DET1: variants seen among roughly 807,000 people sequenced by gnomAD.
DET1 encodes the protein DET1 partner of COP1 E3 ubiquitin ligase, also known as DET1 homolog.
A neutral mutation model predicts 43.7 loss-of-function variants in DET1; 22 were observed. The ratio of observed to expected loss-of-function variants is 0.50; its 90% CI spans 0.36 to 0.72. The LOEUF (loss-of-function observed/expected upper bound fraction) is 0.72, where lower values mean the gene tolerates loss of function less well. Among genes scored for constraint, DET1 ranks in the 30% least tolerant of loss-of-function variants. DET1 has a pLI of 0.00. For missense variants in DET1, 713 were observed against 713.3 expected (o/e 1.00, Z 0.00); for synonymous variants, 315 against 266.2 (o/e 1.18, Z -1.79).
Position 88,517,017 on chromosome 15 carries a change from C to A in DET1, c.1272-44G>T, listed in dbSNP as rs758108209. On this transcript the variant is annotated intron_variant, in intron 3 of 4. Transcript: ENST00000268148. ...GAGGAAGGCTTTGTTAGTGAGTACACAAAGCTGTCTTGAATTTTAAATTGA... is the reference window on the plus strand; with the variant it reads ...GAGGAAGGCTTTGTTAGTGAGTACAAAAAGCTGTCTTGAATTTTAAATTGA... 2.1e-6 allele frequency: 3 copies of A among 1,417,076 alleles called. No homozygotes were observed. The Admixed American group carries it at 8.5e-5, about 40-fold the overall frequency. The allele number at this position is 1,417,076 out of a possible 1,614,324, so 87.8% of individuals were successfully genotyped here. A position where few individuals can be genotyped will look rare whatever the true frequency, so the allele number is the denominator to read the frequency against.
At chr15:88,536,770 C>CAAAAAAA (rs58177778) in intron 1 of DET1, among the ~76,000 whole-genome samples, 2,619 of 47,826 alleles carry the variant, frequency 0.055, 89 homozygotes, top group South Asian at 0.071. Context: ...GACTCCATCT[C>CAAAAAAA]AAAAAAAAAA....
At chr15:88,528,597 C>T (rs569732893) in intron 2 of DET1, among the ~76,000 whole-genome samples, 2 of 152,328 alleles carry the variant, frequency 1.3e-5, no homozygotes, top group Admixed American at 6.5e-5. Context: ...GTGGCTAGCC[C>T]TCTTCCTTTA....
chr15:88,502,202 G>A (rs1249827262), intron 8 of DET1: 1 of 152,062 alleles, frequency 6.6e-6, no homozygotes, highest in Admixed American at 6.5e-5. Flanking sequence ...TAAAGACTAG[G>A]GCAAATAACC....
At chr15:88,533,777 C>A (rs1030054545) in intron 1 of DET1, among the ~76,000 whole-genome samples, 1 of 138,370 alleles carries the variant, frequency 7.2e-6, no homozygotes, top group African/African-American at 2.7e-5. Context: ...ATCCCAGCTA[C>A]TTGGGAGGCT....
At chr15:88,523,269 C>T (rs75526700) in intron 3 of DET1, among the ~76,000 whole-genome samples, 5,338 of 152,250 alleles carry the variant, frequency 0.035, 148 homozygotes, top group South Asian at 0.066. Flanking sequence ...TCCTTGGTGA[C>T]CATTTTTATT....
At chr15:88,508,936 C>A (rs2142246678), downstream of DET1, among the ~76,000 whole-genome samples, 1 of 152,300 alleles carries the variant, frequency 6.6e-6, no homozygotes, top group South Asian at 2.1e-4. Flanking sequence ...ATTGCAGGAA[C>A]AAAGACCAGG....
downstream of DET1, among the ~76,000 whole-genome samples, chr15:88,509,956 G>A (rs2056179999): frequency 6.6e-6 from 1 of 152,232 alleles, no homozygotes; most frequent in Admixed American, 6.5e-5. Flanking sequence ...GCTGTGTGTG[G>A]CAGAACCACT....
rs755451343 is a variant in DET1, at chr15:88,531,437, C to T, written c.269G>A (p.Cys90Tyr). The change falls in exon 2 of 5, where the codon TGC (cysteine) becomes TAC (tyrosine). Residue 90 changes from cysteine to tyrosine, a missense_variant. Cys to Tyr is a radical substitution (Grantham distance 194). Coordinates refer to ENST00000268148, the MANE Select transcript of DET1 (RefSeq NM_001144074.3). The surrounding 1 kb of genome is among the most constrained non-coding windows in gnomAD (Gnocchi z 6.2). The part of the protein sequence containing the change: ...TSLEIYEYQG[C>Y]QAAEDLLQGY... Reference sequence around the variant, plus strand: ...CTGCAGTAGGTCCTCTGCTGCCTGGCAGCCCTGGTACTCATAGATTTCAAG... The same window carrying T: ...CTGCAGTAGGTCCTCTGCTGCCTGGTAGCCCTGGTACTCATAGATTTCAAG... 8 of 1,614,048 alleles carry T rather than the reference C, an allele frequency of 5.0e-6. No individual in the cohort carries two copies. The South Asian group carries it at 7.7e-5, about 16-fold the overall frequency.
At chr15:88,524,754 G>C (rs1354638053) in intron 3 of DET1, among the ~76,000 whole-genome samples, 2 of 152,102 alleles carry the variant, frequency 1.3e-5, no homozygotes, top group Non-Finnish European at 2.9e-5. Flanking sequence ...AAGGCAGCAT[G>C]CTCCTTAAGA....
chr15:88,522,488 C>G (rs909524177), intron 3 of DET1, among the ~76,000 whole-genome samples: 1 of 115,574 alleles, frequency 8.7e-6, no homozygotes, highest in Non-Finnish European at 1.8e-5. Context: ...CCAAAAGTTT[C>G]TCATTGTTCT....
At chr15:88,503,548 C>T (rs2056108797) in intron 8 of DET1, 2 of 152,164 alleles carry the variant, frequency 1.3e-5, no homozygotes, top group South Asian at 4.1e-4. Flanking sequence ...TTACTTTTAG[C>T]AAATTGCTTG....
intron 1 of DET1, among the ~76,000 whole-genome samples, chr15:88,538,443 T>C (rs1400632901): frequency 2.0e-5 from 3 of 151,214 alleles, no homozygotes; most frequent in Admixed American, 2.0e-4. Flanking sequence ...CCTTTTAACT[T>C]TTTGACTACC....
Position 88,527,705 on chromosome 15 carries a change from G to T in DET1, c.1165C>A (p.Leu389Ile), listed in dbSNP as rs755765129. The T allele has an allele frequency of 6.2e-7, 1 of 1,613,850 alleles. No homozygotes were observed. The highest frequency in any genetic ancestry group is 2.2e-5 in the East Asian group (1 of 44,888). ...AAAAGGTCACAGAAGTTCTCAAAGA[G>T]CTCCAAAAGCTCATCTGATGTATTC... ...FENTSDELLE[L>I]FENFCDLFRN... The change falls in exon 3 of 5, where the codon CTC becomes ATC. Residue 389 changes from leucine (L) to isoleucine (I), a missense_variant. Coordinates refer to ENST00000268148, the MANE Select transcript of DET1 (RefSeq NM_001144074.3).
chr15:88,520,421 A>G (rs1217959638), intron 3 of DET1, among the ~76,000 whole-genome samples: 1 of 152,218 alleles, frequency 6.6e-6, no homozygotes, highest in Non-Finnish European at 1.5e-5. Flanking sequence ...GCACATTGCT[A>G]ACTCCAATAA....
chr15:88,537,805 C>T (rs1356645264), intron 1 of DET1, among the ~76,000 whole-genome samples: 1 of 152,176 alleles, frequency 6.6e-6, no homozygotes, highest in African/African-American at 2.4e-5. Context: ...AATGCATTTC[C>T]CCTGCCCCTT....
chr15:88,512,058 G>A (rs1269397056), downstream of DET1, among the ~76,000 whole-genome samples: 1 of 152,260 alleles, frequency 6.6e-6, no homozygotes, highest in Non-Finnish European at 1.5e-5. Context: ...CGGGATGGCT[G>A]TGATGGCTCA....
chr15:88,543,184 C>T (rs1014391631), intron 1 of DET1, among the ~76,000 whole-genome samples: 4 of 152,176 alleles, frequency 2.6e-5, no homozygotes, highest in African/African-American at 9.7e-5. Context: ...TAAGGGGGTG[C>T]TTACTCAGAC....
downstream of DET1, chr15:88,511,402 T>C (rs1273060420): frequency 2.0e-6 from 2 of 985,324 alleles, no homozygotes; most frequent in African/African-American, 1.7e-5. Flanking sequence ...CTCACCCCAG[T>C]GTATGCTGCA....
chr15:88,518,559 TATA>T (rs2056408812), intron 3 of DET1, among the ~76,000 whole-genome samples: 1 of 152,232 alleles, frequency 6.6e-6, no homozygotes, highest in African/African-American at 2.4e-5. Context: ...TTAATAGTTG[TATA>T]ATGACATTTT....
Sources: gnomAD v4.1 joint callset for allele counts (sites outside exome capture counted in the v4.1 genomes callset) on GRCh38, gnomAD v4.1.1 for gene constraint, Gnocchi (gnomAD v3.1) non-coding constraint, MANE v1.5 for transcripts, NCBI Gene and HGNC (gene_info 2026-07-23, HGNC 2026-07-21) for gene names.